The following ZNF704 variants were observed in gnomAD, a reference collection of about 807,000 sequenced individuals.
ZNF704 encodes glucocorticoid induced gene 1.
ZNF704 carries 10 observed loss-of-function variants against 44.7 expected under a neutral mutation model. That is an observed-to-expected ratio of 0.22 (90% CI 0.14 to 0.38). The LOEUF is 0.38. Ranked by LOEUF, ZNF704 falls within the 10% of genes least tolerant of loss-of-function variation. The probability of loss-of-function intolerance (pLI) is 1.00; values close to 1 mark genes in which losing one functional copy is unlikely to be tolerated. For missense variants in ZNF704, 390 were observed against 545.5 expected (o/e 0.71, Z 2.84); for synonymous variants, 211 against 207.6 (o/e 1.02, Z -0.14).
chr8:80,843,961 A>G (rs978783502), intron 1 of ZNF704, among the ~76,000 whole-genome samples: 5 of 138,592 alleles, frequency 3.6e-5, no homozygotes, highest in Non-Finnish European at 7.6e-5. Flanking sequence ...ATATATGTGT[A>G]TATATATGTG....
At chr8:80,718,793 T>C (rs1463599679) in intron 2 of ZNF704, among the ~76,000 whole-genome samples, 2 of 152,224 alleles carry the variant, frequency 1.3e-5, no homozygotes, top group Non-Finnish European at 2.9e-5. Context: ...AGCATTATTA[T>C]GCCAACAGCT....
At chr8:80,857,308 T>C (rs150665316) in intron 1 of ZNF704, among the ~76,000 whole-genome samples, 164 of 152,312 alleles carry the variant, frequency 1.1e-3, no homozygotes, top group Middle Eastern at 6.8e-3. Flanking sequence ...ATTCCTGATA[T>C]TGGTAGAGGA....
At chr8:80,718,572 T>G (rs1819111116) in intron 2 of ZNF704, among the ~76,000 whole-genome samples, 1 of 152,164 alleles carries the variant, frequency 6.6e-6, no homozygotes, top group Admixed American at 6.6e-5. Context: ...CTTGCACTTC[T>G]GCCATTGTTA....
rs117437029 is a variant in ZNF704 at position 80,802,700 on chromosome 8, C to T, written c.221+18674G>A. On this transcript the variant is annotated intron_variant, in intron 2 of 8. Transcript: ENST00000327835. ...TGAAGGAACATACCTCAAAATAATACGAGCCATATATGACAAACCCACAGC... is the reference window on the plus strand; with the variant it reads ...TGAAGGAACATACCTCAAAATAATATGAGCCATATATGACAAACCCACAGC... 5.3e-3 allele frequency among the ~76,000 whole-genome samples: 800 copies of T among 151,950 alleles called. 6 individuals carry two copies. The highest frequency in any genetic ancestry group is 7.1e-3 in the Non-Finnish European group (481 of 67,922).
At chr8:80,720,145 C>T (rs1819141262) in intron 2 of ZNF704, among the ~76,000 whole-genome samples, 1 of 152,184 alleles carries the variant, frequency 6.6e-6, no homozygotes, top group Non-Finnish European at 1.5e-5. Flanking sequence ...CTGCTGTGTG[C>T]CCCCATCACC....
At chr8:80,718,641 T>G (rs756758683) in intron 2 of ZNF704, among the ~76,000 whole-genome samples, 5 of 151,912 alleles carry the variant, frequency 3.3e-5, no homozygotes, top group Non-Finnish European at 5.9e-5. Flanking sequence ...TCATGAGGAG[T>G]GAACCTAAAC....
At chr8:80,713,182 G>A (rs1482858739) in intron 2 of ZNF704, among the ~76,000 whole-genome samples, 2 of 152,136 alleles carry the variant, frequency 1.3e-5, no homozygotes, top group Middle Eastern at 3.2e-3. Flanking sequence ...ACGTTAAAAA[G>A]ACAATTCTTG....
At chr8:80,830,119 T>G (rs1808444565) in intron 1 of ZNF704, among the ~76,000 whole-genome samples, 2 of 149,868 alleles carry the variant, frequency 1.3e-5, no homozygotes, top group African/African-American at 4.9e-5. Flanking sequence ...GAGGAGAGAG[T>G]AGAAAGCATA....
intron 7 of ZNF704, among the ~76,000 whole-genome samples, chr8:80,657,444 G>A (rs1193131413): frequency 1.3e-5 from 2 of 152,168 alleles, no homozygotes; most frequent in African/African-American, 4.8e-5. Flanking sequence ...TGTAATCCCA[G>A]CACTTTGGGA....
intron 2 of ZNF704, among the ~76,000 whole-genome samples, chr8:80,742,679 A>G (rs1344542763): frequency 6.6e-6 from 1 of 152,192 alleles, no homozygotes; most frequent in Non-Finnish European, 1.5e-5. Flanking sequence ...GTCCATGACT[A>G]AGATCTACCG....
At chr8:80,827,155 T>A (rs557467260) in intron 1 of ZNF704, among the ~76,000 whole-genome samples, 12 of 152,282 alleles carry the variant, frequency 7.9e-5, no homozygotes, top group African/African-American at 2.9e-4. Context: ...GCAGATGACA[T>A]CATTGTATAT....
intron 2 of ZNF704, among the ~76,000 whole-genome samples, chr8:80,795,519 A>C (rs1807783370): frequency 6.6e-6 from 1 of 152,132 alleles, no homozygotes; most frequent in South Asian, 2.1e-4. Flanking sequence ...GGAACATTGA[A>C]AATACGCTTT....
intron 2 of ZNF704, among the ~76,000 whole-genome samples, chr8:80,704,592 C>G (rs937904050): frequency 6.6e-6 from 1 of 152,144 alleles, no homozygotes; most frequent in Non-Finnish European, 1.5e-5. Context: ...CGACCCCAAC[C>G]TCTGGGGGTG....
At chr8:80,683,356 G>A (rs905207225) in intron 4 of ZNF704, among the ~76,000 whole-genome samples, 2 of 152,128 alleles carry the variant, frequency 1.3e-5, no homozygotes, top group African/African-American at 2.4e-5. Flanking sequence ...TATGGGTGAC[G>A]GATACTTCAT....
chr8:80,808,973 T>C (rs1808038909), intron 2 of ZNF704, among the ~76,000 whole-genome samples: 1 of 152,146 alleles, frequency 6.6e-6, no homozygotes, highest in Admixed American at 6.5e-5. Context: ...AGAACAAAAA[T>C]ACAGTTTCTA....
chr8:80,758,267 C>A (rs1051846007), intron 2 of ZNF704, among the ~76,000 whole-genome samples: 1 of 152,204 alleles, frequency 6.6e-6, no homozygotes, highest in African/African-American at 2.4e-5. Context: ...GCATTAAAAG[C>A]TGGCTCTCAA....
At chr8:80,724,210 T>C (rs114394706) in intron 2 of ZNF704, among the ~76,000 whole-genome samples, 3,398 of 152,266 alleles carry the variant, frequency 0.022, 129 homozygotes, top group African/African-American at 0.077. Flanking sequence ...TTTAACAAAT[T>C]CTGATGAAAT....
At chr8:80,693,471 C>G (rs547106091) in intron 2 of ZNF704, among the ~76,000 whole-genome samples, 47 of 152,272 alleles carry the variant, frequency 3.1e-4, no homozygotes, top group Admixed American at 1.5e-3. Context: ...TATCAGGAAA[C>G]AAACAAGCTA....
At chr8:80,820,078 C>T (rs1368659578) in intron 2 of ZNF704, among the ~76,000 whole-genome samples, 4 of 152,116 alleles carry the variant, frequency 2.6e-5, no homozygotes, top group Non-Finnish European at 5.9e-5. Context: ...TTTTTGGCAA[C>T]AAAATGTGGC....
Sources: gnomAD v4.1 joint callset for allele counts (sites outside exome capture counted in the v4.1 genomes callset) on GRCh38, gnomAD v4.1.1 for gene constraint, MANE v1.5 for transcripts, NCBI Gene and HGNC (gene_info 2026-07-23, HGNC 2026-07-21) for gene names.